Variants in GRIA4 observed in about 807,000 individuals in gnomAD.
GRIA4 encodes glutamate receptor 4.
GRIA4 carries 34 observed loss-of-function variants against 104.0 expected under a neutral mutation model. The observed-to-expected ratio is 0.33, with a 90% CI of 0.25 to 0.44. The LOEUF (loss-of-function observed/expected upper bound fraction) is 0.44, where lower values mean the gene tolerates loss of function less well. GRIA4 is among the 20% of genes least tolerant of loss of function. GRIA4 has a pLI of 1.00. For synonymous variants in GRIA4, 386 were observed against 381.9 expected (o/e 1.01, Z -0.13); for missense variants, 750 against 1,096.5 (o/e 0.68, Z 4.46).
At chr11:105,635,031 C>A (rs969549754) in intron 3 of GRIA4, among the ~76,000 whole-genome samples, 1 of 152,098 alleles carries the variant, frequency 6.6e-6, no homozygotes, top group African/African-American at 2.4e-5. Flanking sequence ...ACAGTGTTTC[C>A]AAAACGAGGC....
At position 105,638,534 on chromosome 11, in the gene GRIA4, C is replaced by T. The variant is rs371704136; in HGVS notation, c.247+26100C>T. On this transcript the variant is annotated intron_variant, in intron 3 of 16. Coordinates refer to ENST00000282499, the MANE Select transcript of GRIA4 (RefSeq NM_000829.4). ...TGGAATCTGTGCCTTACGAGGTGCG[C>T]GTGTATGTGTGTGTGTGTGTGTGTG... 4.8e-3 allele frequency among the ~76,000 whole-genome samples: 517 copies of T among 108,574 alleles called. 4 individuals carry two copies. Among genetic ancestry groups the T allele is most frequent in the African/African-American group, 0.016 (490 of 31,192 alleles). The allele number at this position is 108,574 out of a possible 152,430, so 71.2% of individuals were successfully genotyped here.
At position 105,693,203 on chromosome 11, in the gene GRIA4, GT is replaced by G. The variant is rs1953151254; in HGVS notation, c.248-59775del. Among the ~76,000 whole-genome samples the G allele has an allele frequency of 2.0e-5, 3 of 152,236 alleles. No homozygotes were observed. In the South Asian group the frequency reaches 6.2e-4, roughly 32 times the overall value. ...TTAGACCAAAAACATGACTAATAAA[GT>G]TTGCTATTTACTCTCTTGCAAACTC... On this transcript the variant is annotated intron_variant, in intron 3 of 16. Transcript: ENST00000282499.
At chr11:105,805,478 G>GAAAAAAAAAAAAAAAAAAAAAAAAAAAA (rs57123559) in intron 4 of GRIA4, among the ~76,000 whole-genome samples, 4 of 92,502 alleles carry the variant, frequency 4.3e-5, no homozygotes, top group African/African-American at 9.0e-5. Context: ...AAGAAATCAG[G>GAAAAAAAAAAAAAAAAAAAAAAAAAAAA]AAAAAAAAAA....
At chr11:105,728,208 A>G (rs1032456897) in intron 3 of GRIA4, among the ~76,000 whole-genome samples, 12 of 152,316 alleles carry the variant, frequency 7.9e-5, no homozygotes, top group African/African-American at 2.9e-4. Context: ...AAGCAAAAGA[A>G]GCAGGGGTTG....
intron 3 of GRIA4, among the ~76,000 whole-genome samples, chr11:105,644,136 C>G (rs1217282353): frequency 6.6e-6 from 1 of 152,052 alleles, no homozygotes; most frequent in Non-Finnish European, 1.5e-5. Context: ...GATTTTGAAA[C>G]AACTCATCTA....
intron 3 of GRIA4, among the ~76,000 whole-genome samples, chr11:105,690,280 T>A (rs1158228773): frequency 6.6e-6 from 1 of 152,216 alleles, no homozygotes; most frequent in Non-Finnish European, 1.5e-5. Flanking sequence ...CTTTCCCTTA[T>A]GTTTAATAAT....
chr11:105,675,573 T>C (rs2135450521), intron 3 of GRIA4, among the ~76,000 whole-genome samples: 1 of 151,916 alleles, frequency 6.6e-6, no homozygotes, highest in South Asian at 2.1e-4. Flanking sequence ...TGGAATTCAA[T>C]GTAGTGTCTT....
chr11:105,685,163 A>AAGGGAGGGAGGG (rs1161569330), intron 3 of GRIA4, among the ~76,000 whole-genome samples: 2 of 132,102 alleles, frequency 1.5e-5, no homozygotes, highest in Non-Finnish European at 3.3e-5. Flanking sequence ...GGGAGGAAGG[A>AAGGGAGGGAGGG]AGGGAGGGAG....
chr11:105,957,522 T>C (rs973507368), intron 14 of GRIA4, among the ~76,000 whole-genome samples: 2 of 152,212 alleles, frequency 1.3e-5, no homozygotes, highest in African/African-American at 2.4e-5. Context: ...AGCCTTGTAG[T>C]ATAGTTTGAA....
intron 3 of GRIA4, among the ~76,000 whole-genome samples, chr11:105,622,793 G>A (rs1049102909): frequency 3.3e-5 from 5 of 151,460 alleles, no homozygotes; most frequent in African/African-American, 4.8e-5. Flanking sequence ...CCTGAATAAC[G>A]TGCATTGCAC....
chr11:105,796,264 C>T (rs1294235458), intron 4 of GRIA4, among the ~76,000 whole-genome samples: 1 of 152,130 alleles, frequency 6.6e-6, no homozygotes, highest in Non-Finnish European at 1.5e-5. Flanking sequence ...CTCTCTCTAC[C>T]ATGTGTTTAT....
intron 16 of GRIA4, 26 bp downstream of exon 16, chr11:105,974,470 A>T: frequency 3.1e-6 from 5 of 1,613,860 alleles, no homozygotes; most frequent in Non-Finnish European, 4.2e-6. Flanking sequence ...CAGACTTTTA[A>T]CCCAACTTCC....
chr11:105,959,601 G>A lies in GRIA4; in HGVS notation c.2295-12313G>A, dbSNP rs145555770. Among the ~76,000 whole-genome samples the A allele has an allele frequency of 2.5e-3, 381 of 152,180 alleles. 2 individuals are homozygous for A. The highest frequency in any genetic ancestry group is 8.3e-3 in the African/African-American group (346 of 41,530). ...TACCTATCTTCTGAAGACTCCTTCC[G>A]TCAGTTCTCTATCTGATCTTCCATC... On this transcript the variant is annotated intron_variant, in intron 14 of 16. Coordinates refer to ENST00000282499, the MANE Select transcript of GRIA4 (RefSeq NM_000829.4).
chr11:105,920,855 C>G (rs1322897314), intron 11 of GRIA4, among the ~76,000 whole-genome samples: 1 of 152,140 alleles, frequency 6.6e-6, no homozygotes, highest in Non-Finnish European at 1.5e-5. Context: ...TCTTCCAGGT[C>G]TCTTACACAC....
chr11:105,726,047 C>T (rs1008584920), intron 3 of GRIA4, among the ~76,000 whole-genome samples: 3 of 152,032 alleles, frequency 2.0e-5, no homozygotes, highest in Non-Finnish European at 2.9e-5. Context: ...GAGACAGAAC[C>T]GTTCACTCCC....
chr11:105,813,492 A>G (rs1272757243), intron 4 of GRIA4, among the ~76,000 whole-genome samples: 2 of 152,180 alleles, frequency 1.3e-5, no homozygotes, highest in Admixed American at 6.5e-5. Context: ...TAAGCAATCA[A>G]TATTTTCCCG....
intron 3 of GRIA4, among the ~76,000 whole-genome samples, chr11:105,730,853 C>CGGAA (rs1938541038): frequency 6.6e-6 from 1 of 152,096 alleles, no homozygotes; most frequent in African/African-American, 2.4e-5. Context: ...TGACCCCTTC[C>CGGAA]TTAAACTTTA....
intron 4 of GRIA4, among the ~76,000 whole-genome samples, chr11:105,844,261 T>C (rs1469056806): frequency 6.6e-6 from 1 of 152,226 alleles, no homozygotes; most frequent in Admixed American, 6.5e-5. Context: ...GAGTTTGTGA[T>C]ACAAGTCACC....
At chr11:105,621,428 A>T (rs144096694) in intron 3 of GRIA4, among the ~76,000 whole-genome samples, 1 of 151,698 alleles carries the variant, frequency 6.6e-6, no homozygotes, top group East Asian at 1.9e-4. Context: ...ATTACTCTAA[A>T]CATAAGCTTC....
Sources: allele counts gnomAD v4.1 joint callset (sites outside exome capture counted in the v4.1 genomes callset), GRCh38; gene constraint gnomAD v4.1.1; transcripts MANE v1.5; gene names NCBI Gene and HGNC (gene_info 2026-07-23, HGNC 2026-07-21).